Variants in ADARB1 observed in about 807,000 individuals in gnomAD.
The protein encoded by ADARB1 is double-stranded RNA-specific editase 1.
In ADARB1, 10 loss-of-function variants were observed where a neutral mutation model predicts 52.4. The observed-to-expected ratio is 0.19, with a 90% CI of 0.12 to 0.32. ADARB1 has a LOEUF of 0.32. ADARB1 is among the 10% of genes least tolerant of loss of function. ADARB1 has a pLI of 1.00. For synonymous variants in ADARB1, 349 were observed against 371.1 expected (o/e 0.94, Z 0.68); for missense variants, 643 against 922.3 (o/e 0.70, Z 3.92).
intron 7 of ADARB1, among the ~76,000 whole-genome samples, chr21:45,184,129 T>C (rs1397481850): frequency 2.0e-5 from 3 of 152,208 alleles, no homozygotes; most frequent in African/African-American, 7.2e-5. Context: ...TATAAGAACA[T>C]TAAAATCATC....
In ADARB1 at chr21:45,113,813, G is replaced by T. The variant is rs371169271; in HGVS notation, c.-219-14589G>T. Among the ~76,000 whole-genome samples, 133 of 152,252 alleles carry T rather than the reference G, an allele frequency of 8.7e-4. 2 individuals carry two copies. The South Asian group carries it at 0.01, about 12-fold the overall frequency. The stretch of plus-strand genomic sequence containing the variant: ...CAGTGACCCCTCTTGGACAAGTGCG[G>T]AGATCAGTTTTAGCTCAGCTGCTTT... On this transcript the variant is annotated intron_variant, in intron 1 of 10. Transcript: ENST00000348831.
intron 8 of ADARB1, among the ~76,000 whole-genome samples, chr21:45,202,047 G>A (rs1173453422): frequency 3.3e-5 from 5 of 152,204 alleles, no homozygotes; most frequent in African/African-American, 7.2e-5. Context: ...GGATCTGGCC[G>A]GAGGACTGCT....
In ADARB1 at chr21:45,200,459, G is replaced by T. The variant is rs943471481; in HGVS notation, c.1566-4096G>T. The stretch of plus-strand genomic sequence containing the variant: ...TGTCCTCAGCTGCACAGAGCTGTGG[G>T]AACAAACAAGACCATCCAGAGGAGG... On this transcript the variant is annotated intron_variant, in intron 8 of 10. Coordinates refer to ENST00000348831, the MANE Select transcript of ADARB1 (RefSeq NM_001112.4). This position sits in a 1 kb window ranked among gnomAD's most constrained non-coding sequence, Gnocchi z 5.0. 2.0e-5 allele frequency among the ~76,000 whole-genome samples: 3 copies of T among 152,170 alleles called. No homozygotes were observed. The highest frequency in any genetic ancestry group is 4.4e-5 in the Non-Finnish European group (3 of 68,042).
intron 1 of ADARB1, among the ~76,000 whole-genome samples, chr21:45,081,902 C>G (rs2086166422): frequency 6.6e-6 from 1 of 152,202 alleles, no homozygotes; most frequent in Admixed American, 6.5e-5. Flanking sequence ...GCTGCAGAGA[C>G]ACAGGGGCCA....
rs1210044575 is a variant in ADARB1, at chr21:45,142,476, T to C, written c.-48+13903T>C. ...TGTTTATGTAAAGAAATATGTTACT[T>C]GACTTAATATTGTAAGGAATCTTAA... On this transcript the variant is annotated intron_variant, in intron 2 of 10. Coordinates refer to ENST00000348831, the MANE Select transcript of ADARB1 (RefSeq NM_001112.4). The surrounding 1 kb of genome is among the most constrained non-coding windows in gnomAD (Gnocchi z 4.0). 6.6e-6 allele frequency among the ~76,000 whole-genome samples: 1 copy of C among 152,266 alleles called. No homozygotes were observed. The highest frequency in any genetic ancestry group is 1.5e-5 in the Non-Finnish European group (1 of 68,046).
intron 2 of ADARB1, among the ~76,000 whole-genome samples, chr21:45,163,280 A>G (rs1217161891): frequency 6.6e-6 from 1 of 152,252 alleles, no homozygotes; most frequent in East Asian, 1.9e-4. Flanking sequence ...GATACAGCCC[A>G]CAAGGTCCCA....
intron 8 of ADARB1, among the ~76,000 whole-genome samples, chr21:45,191,624 T>A (rs2092283895): frequency 6.6e-6 from 1 of 152,050 alleles, no homozygotes; most frequent in Non-Finnish European, 1.5e-5. Context: ...AGTCACTCAT[T>A]GTTTTAACAT....
chr21:45,205,270 G>C (rs972618640), intron 9 of ADARB1, among the ~76,000 whole-genome samples: 6 of 144,710 alleles, frequency 4.1e-5, no homozygotes, highest in Non-Finnish European at 7.4e-5. Flanking sequence ...TTAAAAGAAA[G>C]AAAGAAAGAA....
intron 2 of ADARB1, among the ~76,000 whole-genome samples, chr21:45,140,089 G>C (rs1347849369): frequency 6.6e-6 from 1 of 151,688 alleles, no homozygotes; most frequent in Admixed American, 6.6e-5. Context: ...GATTACAGGC[G>C]CCCGCCACCA....
chr21:45,088,096 G>A (rs1023560696), intron 1 of ADARB1, among the ~76,000 whole-genome samples: 16 of 152,178 alleles, frequency 1.1e-4, no homozygotes, highest in African/African-American at 3.9e-4. Flanking sequence ...GTGACTCTGT[G>A]GTCTTTAATA....
At chr21:45,174,682 A>AATAC (rs59024130) in intron 3 of ADARB1, among the ~76,000 whole-genome samples, 12,772 of 148,738 alleles carry the variant, frequency 0.086, 620 homozygotes, top group East Asian at 0.17. Flanking sequence ...CAGTCTCAAA[A>AATAC]ATACATACAT....
chr21:45,202,837 G>A (rs1017197995), intron 8 of ADARB1, among the ~76,000 whole-genome samples: 1 of 148,632 alleles, frequency 6.7e-6, no homozygotes, highest in African/African-American at 2.5e-5. Context: ...GTGCCACACT[G>A]TGCTGAGCGT....
chr21:45,119,006 A>T (rs1482140155), intron 1 of ADARB1, among the ~76,000 whole-genome samples: 2 of 152,204 alleles, frequency 1.3e-5, no homozygotes, highest in Non-Finnish European at 2.9e-5. Context: ...ACCAAAAAGT[A>T]CCTTTTCTGA....
rs1309839257 is a variant in ADARB1, at chr21:45,224,084, T to C, written c.*1887T>C. 3 of 985,472 alleles carry C rather than the reference T, an allele frequency of 3.0e-6. No homozygotes were observed. The African/African-American group carries it at 5.2e-5, about 17-fold the overall frequency. The allele number at this position is 985,472 out of a possible 1,614,324, so 61.0% of individuals were successfully genotyped here. A position where few individuals can be genotyped will look rare whatever the true frequency, so the allele number is the denominator to read the frequency against. Reference sequence around the variant, plus strand: ...GTCGCTGGCTTTCCCCCAAGCAGGCTCTTGCACACTCTAGAAAAAACACCT... The same window carrying C: ...GTCGCTGGCTTTCCCCCAAGCAGGCCCTTGCACACTCTAGAAAAAACACCT... On this transcript the variant is annotated 3_prime_UTR_variant, in exon 11 of 11. Coordinates refer to ENST00000348831, the MANE Select transcript of ADARB1 (RefSeq NM_001112.4).
intron 1 of ADARB1, among the ~76,000 whole-genome samples, chr21:45,095,296 G>A (rs545263097): frequency 7.9e-5 from 12 of 152,346 alleles, no homozygotes; most frequent in East Asian, 1.9e-4. Flanking sequence ...GTGATGCTCC[G>A]GCCTTTGCCG....
chr21:45,182,950 A>G (rs1476882003), intron 6 of ADARB1, among the ~76,000 whole-genome samples, 197 bp downstream of exon 6: 1 of 152,248 alleles, frequency 6.6e-6, no homozygotes, highest in Admixed American at 6.5e-5. Flanking sequence ...ATACAATAAC[A>G]TAACATGGTC....
In ADARB1 at chr21:45,225,647, TCAAAA is replaced by T. The variant is rs1188012971; in HGVS notation, c.*3455_*3459del. The T allele has an allele frequency of 7.4e-5, 85 of 1,148,470 alleles. No homozygotes were observed. Among genetic ancestry groups the T allele is most frequent in the Non-Finnish European group, 8.7e-5 (76 of 872,698 alleles). The allele number at this position is 1,148,470 out of a possible 1,614,324, so 71.1% of individuals were successfully genotyped here. The stretch of plus-strand genomic sequence containing the variant: ...CTGCACATCCGGACCTGCCCATGTC[TCAAAA>T]CAAACACATGTACAGTGGCTCTTTT... On this transcript the variant is annotated 3_prime_UTR_variant, in exon 11 of 11. Transcript: ENST00000348831.
chr21:45,107,044 TACAA>T (rs1417518671), intron 1 of ADARB1, among the ~76,000 whole-genome samples: 2 of 152,088 alleles, frequency 1.3e-5, no homozygotes, highest in Admixed American at 1.3e-4. Context: ...CCAGTAGAAA[TACAA>T]AATTAATATG....
At chr21:45,184,471 C>G in intron 7 of ADARB1, 1 of 197,726 alleles carries the variant, frequency 5.1e-6, no homozygotes, top group Non-Finnish European at 1.0e-5. Flanking sequence ...TTTTTTGAGA[C>G]AGGGTCTCGC....
Sources: gnomAD v4.1 joint callset for allele counts (sites outside exome capture counted in the v4.1 genomes callset) on GRCh38, gnomAD v4.1.1 for gene constraint, Gnocchi (gnomAD v3.1) non-coding constraint, MANE v1.5 for transcripts, NCBI Gene and HGNC (gene_info 2026-07-23, HGNC 2026-07-21) for gene names.